The following SDK1 variants were observed in gnomAD, a reference collection of about 807,000 sequenced individuals.
SDK1 encodes the protein protein sidekick-1.
A neutral mutation model predicts 245.5 loss-of-function variants in SDK1; 157 were observed. The observed-to-expected ratio is 0.64, with a 90% CI of 0.56 to 0.73. SDK1 has a LOEUF of 0.73. Ranked by LOEUF, SDK1 falls within the 30% of genes least tolerant of loss-of-function variation. The pLI, the probability that SDK1 is intolerant of heterozygous loss-of-function variation, is 0.00. For synonymous variants in SDK1, 1,647 were observed against 1,278.5 expected (o/e 1.29, Z -6.15); for missense variants, 3,583 against 3,002.3 (o/e 1.19, Z -4.52).
At chr7:4,030,579 C>T (rs540323028) in intron 17 of SDK1, among the ~76,000 whole-genome samples, 128 of 152,340 alleles carry the variant, frequency 8.4e-4, no homozygotes, top group African/African-American at 2.9e-3. Context: ...CTGCATAACT[C>T]TATCTGGACA....
chr7:3,452,041 GAGAT>G (rs1329469897), intron 1 of SDK1, among the ~76,000 whole-genome samples: 11 of 152,212 alleles, frequency 7.2e-5, no homozygotes, highest in African/African-American at 1.9e-4. Context: ...TTTAAAAACA[GAGAT>G]AGAGAACTAA....
chr7:4,132,191 G>C (rs541409953), intron 27 of SDK1, 134 bp from the exon 28 acceptor site: 1 of 641,750 alleles, frequency 1.6e-6, no homozygotes, highest in Admixed American at 2.4e-5. Context: ...CAAAACTTTA[G>C]GGGGTTCTAA....
chr7:3,874,138 C>T (rs1003386734), intron 5 of SDK1, among the ~76,000 whole-genome samples: 5 of 152,088 alleles, frequency 3.3e-5, no homozygotes, highest in Non-Finnish European at 5.9e-5. Context: ...GGTTTTTGTT[C>T]GTTTGGTCAG....
intron 4 of SDK1, among the ~76,000 whole-genome samples, chr7:3,654,175 C>T (rs540456561): frequency 1.3e-5 from 2 of 152,270 alleles, no homozygotes; most frequent in African/African-American, 4.8e-5. Context: ...AAATGTCACA[C>T]TGCTCCTCCA....
At position 4,064,186 on chromosome 7, in the gene SDK1, A is replaced by G. The variant is rs190905641; in HGVS notation, c.2912-3652A>G. The stretch of plus-strand genomic sequence containing the variant: ...AATATTTGCAAACTATTCATCTGGT[A>G]AGGGATTAATATCTAAAATATACAA... On this transcript the variant is annotated intron_variant, in intron 19 of 44. Transcript: ENST00000404826. 2.6e-5 allele frequency among the ~76,000 whole-genome samples: 4 copies of G among 152,336 alleles called. No homozygotes were observed. The East Asian group carries it at 7.7e-4, about 29-fold the overall frequency.
chr7:4,038,935 A>G (rs1380201952), intron 17 of SDK1, among the ~76,000 whole-genome samples: 1 of 152,244 alleles, frequency 6.6e-6, no homozygotes, highest in Non-Finnish European at 1.5e-5. Context: ...AGACAGGATT[A>G]TTGGAAAATG....
At chr7:4,070,436 T>G (rs1271979905) in intron 20 of SDK1, among the ~76,000 whole-genome samples, 1 of 152,224 alleles carries the variant, frequency 6.6e-6, no homozygotes, top group Admixed American at 6.5e-5. Context: ...GGCTCACGTG[T>G]GTCCCACTGG....
intron 1 of SDK1, among the ~76,000 whole-genome samples, chr7:3,317,381 T>A (rs1294206131): frequency 6.6e-6 from 1 of 152,138 alleles, no homozygotes; most frequent in East Asian, 1.9e-4. Context: ...ATCTTGTGTT[T>A]TTATTTTTGT....
chr7:3,451,025 T>C (rs1057241391), intron 1 of SDK1, among the ~76,000 whole-genome samples: 1 of 152,054 alleles, frequency 6.6e-6, no homozygotes, highest in Admixed American at 6.6e-5. Context: ...GTCTCCTGGG[T>C]TTGGCAATAA....
At chr7:3,380,676 G>C (rs1781464275) in intron 1 of SDK1, among the ~76,000 whole-genome samples, 1 of 152,164 alleles carries the variant, frequency 6.6e-6, no homozygotes, top group African/African-American at 2.4e-5. Context: ...TGTCATTAAG[G>C]AGACTGACTC....
intron 1 of SDK1, among the ~76,000 whole-genome samples, chr7:3,444,160 A>T (rs934466492): frequency 6.6e-6 from 1 of 152,098 alleles, no homozygotes; most frequent in African/African-American, 2.4e-5. Context: ...GTCCTTATTT[A>T]TAAGACAGAG....
intron 38 of SDK1, among the ~76,000 whole-genome samples, chr7:4,210,864 G>A (rs1257303244): frequency 6.6e-6 from 1 of 152,236 alleles, no homozygotes; most frequent in Non-Finnish European, 1.5e-5. Context: ...CAGTGCTTTG[G>A]AGGAAAGAGA....
chr7:3,493,781 A>G (rs534491427), intron 1 of SDK1, among the ~76,000 whole-genome samples: 99 of 152,312 alleles, frequency 6.5e-4, no homozygotes, highest in Non-Finnish European at 1.2e-3. Flanking sequence ...TCTATGACTT[A>G]TGGAACATTG....
chr7:4,215,840 C>T (rs887390224), intron 38 of SDK1, among the ~76,000 whole-genome samples: 7 of 152,100 alleles, frequency 4.6e-5, no homozygotes, highest in African/African-American at 1.4e-4. Context: ...TCCCACTCAT[C>T]CCCCCTGCCC....
chr7:3,510,534 A>G (rs1028545650), intron 1 of SDK1, among the ~76,000 whole-genome samples: 1 of 152,170 alleles, frequency 6.6e-6, no homozygotes, highest in Non-Finnish European at 1.5e-5. Flanking sequence ...TGAAGACCCA[A>G]ACCCCAAATG....
At chr7:4,193,196 A>G (rs1783323741) in intron 35 of SDK1, among the ~76,000 whole-genome samples, 2 of 133,238 alleles carry the variant, frequency 1.5e-5, no homozygotes, top group South Asian at 4.3e-4. Context: ...ATATATTAAT[A>G]TATTTATATA....
intron 4 of SDK1, among the ~76,000 whole-genome samples, chr7:3,757,610 G>GGAGATA (rs1410455721): frequency 1.3e-5 from 2 of 152,152 alleles, no homozygotes; most frequent in East Asian, 3.9e-4. Context: ...TTGAGGAGAT[G>GGAGATA]CATAGGGCAG....
rs74985283 is a variant in SDK1, at chr7:3,880,509, G to C, written c.847+58926G>C. On this transcript the variant is annotated intron_variant, in intron 5 of 44. Coordinates refer to ENST00000404826, the MANE Select transcript of SDK1 (RefSeq NM_152744.4). ...GATCAAAAAAGTGCAGCGATGCGCA[G>C]ATGCGTGGTGACATTTTAAAACAAT... Among the ~76,000 whole-genome samples, 863 of 147,404 alleles carry C rather than the reference G, an allele frequency of 5.9e-3. 14 individuals are homozygous for C. Among genetic ancestry groups the C allele is most frequent in the African/African-American group, 0.02 (811 of 40,468 alleles).
Position 4,149,353 on chromosome 7 carries a change from G to T in SDK1, c.4515G>T (p.Gly1505=). 1.9e-6 allele frequency: 3 copies of T among 1,592,108 alleles called. No individual in the cohort carries two copies. Among genetic ancestry groups the T allele is most frequent in the Non-Finnish European group, 2.6e-6 (3 of 1,169,790 alleles). ...LRLQWVPGSD[G]ASPIRYFTMQ... ...TCCAGTGGGTCCCGGGCAGCGACGG[G>T]GCCTCCCCCATCCGGTACTTCACCA... Residue 1505 remains glycine, a synonymous_variant, in exon 30 of 45, where the codon GGG becomes GGT. Transcript: ENST00000404826.
Sources: allele counts gnomAD v4.1 joint callset (sites outside exome capture counted in the v4.1 genomes callset), GRCh38; gene constraint gnomAD v4.1.1; transcripts MANE v1.5; gene names NCBI Gene and HGNC (gene_info 2026-07-23, HGNC 2026-07-21).